Variants in PRKG1 observed in about 807,000 individuals in gnomAD.
PRKG1 encodes cGMP-dependent protein kinase 1.
A neutral mutation model predicts 88.1 loss-of-function variants in PRKG1; 35 were observed. That is an observed-to-expected ratio of 0.40 (90% CI 0.30 to 0.53). The LOEUF is 0.53. Among genes scored for constraint, PRKG1 ranks in the 20% least tolerant of loss-of-function variants. PRKG1 has a pLI of 0.59. For missense variants in PRKG1, 540 were observed against 839.8 expected (o/e 0.64, Z 4.41); for synonymous variants, 303 against 292.5 (o/e 1.04, Z -0.37).
intron 9 of PRKG1, among the ~76,000 whole-genome samples, chr10:52,180,006 T>A (rs1267529869): frequency 2.6e-5 from 4 of 152,336 alleles, no homozygotes; most frequent in African/African-American, 9.6e-5. Context: ...TTTCTGTACC[T>A]TTTGATTTCT....
chr10:52,257,568 C>T (rs995573376), intron 10 of PRKG1, among the ~76,000 whole-genome samples: 1 of 139,572 alleles, frequency 7.2e-6, no homozygotes, highest in Non-Finnish European at 1.6e-5. Context: ...TATGCTACAT[C>T]GGACACCTGG....
chr10:51,434,521 G>T (rs1838865084), intron 2 of PRKG1, among the ~76,000 whole-genome samples: 1 of 152,092 alleles, frequency 6.6e-6, no homozygotes, highest in South Asian at 2.1e-4. Flanking sequence ...TGAAACACCT[G>T]CCCAGAAAGC....
Position 52,024,937 on chromosome 10 carries a change from A to G in PRKG1, c.763-29547A>G, listed in dbSNP as rs995091025. ...TCCACAATGGTTGAACTAGTTTACA[A>G]TCCCACCAACAGTGTAAAAGCATTC... On this transcript the variant is annotated intron_variant, in intron 5 of 17. Coordinates refer to ENST00000373980, the MANE Select transcript of PRKG1 (RefSeq NM_006258.4). 4.6e-5 allele frequency among the ~76,000 whole-genome samples: 7 copies of G among 152,172 alleles called. No homozygotes were observed. In the East Asian group the frequency reaches 7.7e-4, roughly 17 times the overall value.
intron 2 of PRKG1, among the ~76,000 whole-genome samples, chr10:51,315,551 T>C (rs577872044): frequency 4.6e-5 from 7 of 152,330 alleles, no homozygotes; most frequent in Admixed American, 4.6e-4. Flanking sequence ...GAGTTCTTAG[T>C]GTATTTTGAA....
chr10:51,860,452 G>A (rs1375640240), intron 4 of PRKG1, among the ~76,000 whole-genome samples: 1 of 152,160 alleles, frequency 6.6e-6, no homozygotes. Flanking sequence ...AGTGACACAA[G>A]TTATTTTTGT....
chr10:52,218,779 C>A (rs745524350), intron 9 of PRKG1, among the ~76,000 whole-genome samples: 9 of 151,992 alleles, frequency 5.9e-5, no homozygotes, highest in Non-Finnish European at 8.8e-5. Flanking sequence ...GTTTGATGAG[C>A]AAAAGAGCCA....
intron 3 of PRKG1, among the ~76,000 whole-genome samples, chr10:51,743,722 A>ATT (rs1343902390): frequency 1.7e-5 from 1 of 58,188 alleles, no homozygotes; most frequent in African/African-American, 8.2e-5. Context: ...ATATATATAT[A>ATT]TATAATATAA....
intron 2 of PRKG1, among the ~76,000 whole-genome samples, chr10:51,236,933 TC>T (rs1839010590): frequency 6.6e-6 from 1 of 152,178 alleles, no homozygotes; most frequent in Non-Finnish European, 1.5e-5. Context: ...AGAGTTCTGG[TC>T]ACAAGGCTCT....
At chr10:51,369,552 C>G (rs1373367535) in intron 2 of PRKG1, among the ~76,000 whole-genome samples, 9 of 152,108 alleles carry the variant, frequency 5.9e-5, no homozygotes, top group Non-Finnish European at 8.8e-5. Flanking sequence ...AGATCTTCAT[C>G]TGACAGAGGG....
At chr10:51,840,550 TTTA>T (rs1172869320) in intron 4 of PRKG1, among the ~76,000 whole-genome samples, 1 of 150,548 alleles carries the variant, frequency 6.6e-6, no homozygotes, top group Non-Finnish European at 1.5e-5. Context: ...TATTTATTTA[TTTA>T]TTTATTTATT....
chr10:51,238,347 G>A (rs1408370469), intron 2 of PRKG1, among the ~76,000 whole-genome samples: 1 of 152,170 alleles, frequency 6.6e-6, no homozygotes, highest in Non-Finnish European at 1.5e-5. Flanking sequence ...TTGAGAGGCC[G>A]AAGCAGGCAG....
chr10:51,186,171 C>G (rs1837480919), intron 2 of PRKG1, among the ~76,000 whole-genome samples: 1 of 151,396 alleles, frequency 6.6e-6, no homozygotes, highest in Non-Finnish European at 1.5e-5. Context: ...TGGTTGTCTT[C>G]CAGGAATAAA....
intron 1 of PRKG1, among the ~76,000 whole-genome samples, chr10:51,024,541 G>A (rs552796893): frequency 6.6e-6 from 1 of 152,024 alleles, no homozygotes; most frequent in Non-Finnish European, 1.5e-5. Context: ...TTGATTAATC[G>A]AATAATTTGA....
chr10:51,053,763 T>C (rs997565522), intron 1 of PRKG1, among the ~76,000 whole-genome samples: 16 of 131,390 alleles, frequency 1.2e-4, no homozygotes, highest in African/African-American at 3.9e-4. Context: ...TGTTCAGTAG[T>C]TATGGGTTTT....
At chr10:51,628,111 CTTCT>C (rs1839414955) in intron 3 of PRKG1, among the ~76,000 whole-genome samples, 1 of 104,376 alleles carries the variant, frequency 9.6e-6, no homozygotes, top group Non-Finnish European at 2.0e-5. Flanking sequence ...TCTTTCTTTC[CTTCT>C]TTATTTCTCT....
intron 3 of PRKG1, among the ~76,000 whole-genome samples, chr10:51,652,137 G>A (rs926750674): frequency 1.3e-5 from 2 of 151,942 alleles, no homozygotes; most frequent in Non-Finnish European, 2.9e-5. Flanking sequence ...AAAAGCTTTA[G>A]GCTTAATATA....
At chr10:52,070,665 T>A (rs1205293353) in intron 7 of PRKG1, among the ~76,000 whole-genome samples, 7 of 152,206 alleles carry the variant, frequency 4.6e-5, no homozygotes, top group Admixed American at 3.3e-4. Context: ...CACATTTGAA[T>A]CTTCTTTCTC....
At chr10:51,459,933 G>A (rs912539392) in intron 2 of PRKG1, among the ~76,000 whole-genome samples, 2 of 152,134 alleles carry the variant, frequency 1.3e-5, no homozygotes, top group Non-Finnish European at 2.9e-5. Flanking sequence ...TTTACATTTG[G>A]TGGAAGTTAA....
intron 2 of PRKG1, among the ~76,000 whole-genome samples, chr10:51,280,122 T>C (rs12244480): frequency 0.017 from 2,541 of 152,322 alleles, 69 homozygotes; most frequent in African/African-American, 0.058. Flanking sequence ...TTATTTCTCC[T>C]TCACTTATGA....
Sources: allele counts gnomAD v4.1 joint callset (sites outside exome capture counted in the v4.1 genomes callset), GRCh38; gene constraint gnomAD v4.1.1; transcripts MANE v1.5; gene names NCBI Gene and HGNC (gene_info 2026-07-23, HGNC 2026-07-21).